MAP2K4: variants seen among roughly 807,000 people sequenced by gnomAD.
MAP2K4 encodes dual specificity mitogen-activated protein kinase kinase 4.
A neutral mutation model predicts 48.5 loss-of-function variants in MAP2K4; 4 were observed. The observed-to-expected ratio is 0.08, with a 90% confidence interval of 0.04 to 0.19. The LOEUF (loss-of-function observed/expected upper bound fraction) is 0.19, where lower values mean the gene tolerates loss of function less well. MAP2K4 is among the 10% of genes least tolerant of loss of function. MAP2K4 has a pLI of 1.00. For synonymous variants in MAP2K4, 166 were observed against 173.1 expected, an observed-to-expected ratio of 0.96 and a Z score of 0.32; for missense variants, 258 against 493.3, an observed-to-expected ratio of 0.52 and a Z score of 4.52.
chr17:12,072,158 T>C (rs1970838079), intron 2 of MAP2K4, among the ~76,000 whole-genome samples: 8 of 152,204 alleles, frequency 5.3e-5, no homozygotes. Context: ...AAGAATTAAA[T>C]AGAAATGGTT....
At chr17:12,029,114 C>T (rs903307460) in intron 1 of MAP2K4, among the ~76,000 whole-genome samples, 1 of 151,706 alleles carries the variant, frequency 6.6e-6, no homozygotes, top group Non-Finnish European at 1.5e-5. Flanking sequence ...TTGGTAAGAA[C>T]AGTAAATTGT....
intron 4 of MAP2K4, among the ~76,000 whole-genome samples, chr17:12,100,873 G>C (rs2151566711): frequency 6.6e-6 from 1 of 152,188 alleles, no homozygotes; most frequent in South Asian, 2.1e-4. Flanking sequence ...TGAAGTTCCT[G>C]TTAAAATCTG....
chr17:12,073,279 A>G (rs570231322), intron 2 of MAP2K4, among the ~76,000 whole-genome samples: 18 of 152,130 alleles, frequency 1.2e-4, no homozygotes, highest in Non-Finnish European at 2.1e-4. Flanking sequence ...AAGAGGGAGG[A>G]TGCTGATGAA....
At chr17:12,027,110 T>C (rs909870072) in intron 1 of MAP2K4, 3 of 152,220 alleles carry the variant, frequency 2.0e-5, no homozygotes, top group African/African-American at 7.2e-5. Flanking sequence ...TCTAGCTGTT[T>C]CCTCCCAACT....
chr17:12,034,777 T>C (rs1263104381), intron 1 of MAP2K4, among the ~76,000 whole-genome samples: 42 of 152,248 alleles, frequency 2.8e-4, no homozygotes, highest in Admixed American at 2.7e-3. Context: ...TGGTCACCTT[T>C]GCTCCTGCTG....
chr17:12,027,152 G>C (rs926581901), intron 1 of MAP2K4, among the ~76,000 whole-genome samples: 2 of 152,122 alleles, frequency 1.3e-5, no homozygotes, highest in African/African-American at 2.4e-5. Context: ...CTTCATGCTC[G>C]GTAAGGTTGG....
At chr17:12,063,978 G>C (rs1332746449) in intron 2 of MAP2K4, among the ~76,000 whole-genome samples, 1 of 109,000 alleles carries the variant, frequency 9.2e-6, no homozygotes, top group Non-Finnish European at 1.8e-5. Flanking sequence ...GTCAGGGGGC[G>C]GGGGGCGGGG....
At position 12,121,279 on chromosome 17, in the gene MAP2K4, T is replaced by G. The variant is rs992075528; in HGVS notation, c.814-4015T>G. On this transcript the variant is annotated intron_variant, in intron 7 of 10. Coordinates refer to ENST00000353533, the MANE Select transcript of MAP2K4 (RefSeq NM_003010.4). ...GTCCCATCCCCAAGATATATTATTA[T>G]GTATATGCAAATATTCCAAAATTTG... is the stretch of plus-strand genomic sequence containing the variant. Among the ~76,000 whole-genome samples, 4 of 152,322 alleles carry G rather than the reference T, an allele frequency of 2.6e-5. No homozygotes were observed. The East Asian group carries it at 5.8e-4, about 22-fold the overall frequency.
chr17:12,040,506 G>T (rs1597402687), intron 1 of MAP2K4, among the ~76,000 whole-genome samples: 1 of 152,132 alleles, frequency 6.6e-6, no homozygotes, highest in African/African-American at 2.4e-5. Flanking sequence ...ATTAATCTTT[G>T]CAGATAATCA....
intron 2 of MAP2K4, among the ~76,000 whole-genome samples, chr17:12,057,293 C>T (rs1970308681): frequency 6.6e-6 from 1 of 152,134 alleles, no homozygotes. Context: ...CAAGATTTTA[C>T]TGGATTTTGA....
chr17:12,070,390 A>G (rs991657941), intron 2 of MAP2K4, among the ~76,000 whole-genome samples: 1 of 152,140 alleles, frequency 6.6e-6, no homozygotes. Flanking sequence ...TACCTAAGTG[A>G]TGAGAGAATC....
At chr17:12,094,422 G>T (rs749228850) in intron 3 of MAP2K4, among the ~76,000 whole-genome samples, 3 of 152,238 alleles carry the variant, frequency 2.0e-5, no homozygotes, top group East Asian at 1.9e-4. Context: ...ATGGGCTCAA[G>T]AATTTAATTG....
chr17:12,130,678 C>T (rs943298686), intron 9 of MAP2K4, among the ~76,000 whole-genome samples: 12 of 152,096 alleles, frequency 7.9e-5, no homozygotes, highest in African/African-American at 2.9e-4. Context: ...TTCATAGTTC[C>T]ATGTCATTGC....
chr17:12,126,156 C>G (rs888231988), intron 8 of MAP2K4, among the ~76,000 whole-genome samples: 1 of 152,048 alleles, frequency 6.6e-6, no homozygotes, highest in African/African-American at 2.4e-5. Context: ...GATTATAATT[C>G]GAAATGAAAT....
chr17:12,093,046 T>C (rs2010008), intron 3 of MAP2K4, among the ~76,000 whole-genome samples: 25,626 of 152,062 alleles, frequency 0.17, 2,537 homozygotes, highest in South Asian at 0.3. Context: ...GTTAGCTGTA[T>C]TTGTTCAATT....
intron 3 of MAP2K4, among the ~76,000 whole-genome samples, chr17:12,091,572 A>G (rs1971564536): frequency 6.6e-6 from 1 of 152,190 alleles, no homozygotes; most frequent in East Asian, 1.9e-4. Flanking sequence ...ATTTTTTTTT[A>G]ATTGGACAAG....
intron 7 of MAP2K4, among the ~76,000 whole-genome samples, chr17:12,117,410 A>T (rs1226314426): frequency 7.0e-6 from 1 of 142,190 alleles, no homozygotes; most frequent in African/African-American, 2.5e-5. Flanking sequence ...TTCCCAAGGT[A>T]AAAAAAAAAA....
chr17:12,093,486 G>T (rs1971632031), intron 3 of MAP2K4, among the ~76,000 whole-genome samples: 1 of 152,114 alleles, frequency 6.6e-6, no homozygotes, highest in South Asian at 2.1e-4. Flanking sequence ...AACTGTTGAG[G>T]TTTTGACTGT....
intron 2 of MAP2K4, among the ~76,000 whole-genome samples, chr17:12,068,279 A>T (rs1385138088): frequency 2.6e-5 from 4 of 152,194 alleles, no homozygotes; most frequent in Non-Finnish European, 5.9e-5. Flanking sequence ...GTGGGGAGTT[A>T]TGGAAAAGTT....
Sources: allele counts gnomAD v4.1 joint callset (sites outside exome capture counted in the v4.1 genomes callset), GRCh38; gene constraint gnomAD v4.1.1; transcripts MANE v1.5; gene names NCBI Gene and HGNC (gene_info 2026-07-23, HGNC 2026-07-21).